JPT1: variants seen among roughly 807,000 people sequenced by gnomAD.
JPT1 encodes androgen-regulated protein 2.
JPT1 carries 5 observed loss-of-function variants against 17.0 expected under a neutral mutation model. That is an observed-to-expected ratio of 0.29 (90% CI 0.15 to 0.62). JPT1 has a LOEUF of 0.62. JPT1 is among the 20% of genes least tolerant of loss of function. JPT1 has a pLI of 0.85. For missense variants in JPT1, 158 were observed against 188.1 expected (o/e 0.84, Z 0.94); for synonymous variants, 71 against 73.6 (o/e 0.96, Z 0.18).
Position 75,136,237 on chromosome 17 carries a change from T to G in JPT1, c.330A>C (p.Thr110=). The G allele has an allele frequency of 6.3e-7, 1 of 1,584,704 alleles. No individual in the cohort carries two copies. The highest frequency in any genetic ancestry group is 1.8e-5 in the Admixed American group (1 of 54,398). ...TCTGCCCCAGGCTGCCTGGCAAGTC[T>G]GTGTCCACATTTTCTATGAAAACAG... ...GEGDIHENVD[T]DLPGSLGQSE... Residue 110 remains threonine, a synonymous_variant, in exon 5 of 5, where the codon ACA becomes ACC. Coordinates refer to ENST00000409753, the MANE Select transcript of JPT1 (RefSeq NM_016185.4).
At chr17:75,150,847 CTTTTTTTTTT>C in intron 1 of JPT1, among the ~76,000 whole-genome samples, 1 of 65,954 alleles carries the variant, frequency 1.5e-5, no homozygotes, top group East Asian at 4.7e-4. Context: ...ATTTTTCTTT[CTTTTTTTTTT>C]TTTTTTTTTT....
chr17:75,135,243 C>CAA (rs2074169903), downstream of JPT1: 1 of 152,682 alleles, frequency 6.5e-6, no homozygotes, highest in Non-Finnish European at 1.5e-5. Flanking sequence ...ACACAGTACA[C>CAA]AGTGTTTCAA....
rs1011560008 is a variant in JPT1, at chr17:75,148,724, C to T, written c.57-53G>A. ...CAGATCATACTGAAACATTTCTTGG[C>T]ATAAATCTTTTCAGACAACTTTCAT... On this transcript the variant is annotated intron_variant, in intron 1 of 4. Coordinates refer to ENST00000409753, the MANE Select transcript of JPT1 (RefSeq NM_016185.4). 11 of 1,597,482 alleles carry T rather than the reference C, an allele frequency of 6.9e-6. No homozygotes were observed. In the African/African-American group the frequency reaches 1.2e-4, roughly 18 times the overall value.
rs1281808876 is a variant in JPT1 at position 75,135,918 on chromosome 17, C to T, written c.*184G>A. The T allele has an allele frequency of 1.5e-6, 2 of 1,332,826 alleles. No individual in the cohort carries two copies. The highest frequency in any genetic ancestry group is 2.3e-5 in the East Asian group (1 of 42,732). 82.6% of individuals were successfully genotyped at this position (1,332,826 alleles called of 1,614,324 possible). The stretch of plus-strand genomic sequence containing the variant: ...ACTAGAAAACACTCATGCCATGGCC[C>T]ACAGACCCAAGAGTCAAGGACAGAG... On this transcript the variant is annotated 3_prime_UTR_variant, in exon 5 of 5. Coordinates refer to ENST00000409753, the MANE Select transcript of JPT1 (RefSeq NM_016185.4).
At chr17:75,150,761 C>A (rs2074533387) in intron 1 of JPT1, among the ~76,000 whole-genome samples, 1 of 151,662 alleles carries the variant, frequency 6.6e-6, no homozygotes, top group South Asian at 2.1e-4. Flanking sequence ...GACTTTCTAA[C>A]TACTGATTCA....
chr17:75,140,097 T>C (rs1054932250), intron 4 of JPT1, among the ~76,000 whole-genome samples: 5 of 152,102 alleles, frequency 3.3e-5, no homozygotes, highest in African/African-American at 7.2e-5. Context: ...TTTGTATTTT[T>C]AGTAGAGACG....
intron 4 of JPT1, chr17:75,145,139 G>A (rs2074399212): frequency 2.2e-5 from 3 of 138,670 alleles, no homozygotes; most frequent in Non-Finnish European, 3.0e-5. Flanking sequence ...ACTCCAGCCT[G>A]GATGACAGAG....
intron 4 of JPT1, chr17:75,145,237 T>G (rs992027978): frequency 2.0e-5 from 3 of 151,558 alleles, no homozygotes; most frequent in South Asian, 2.1e-4. Flanking sequence ...GGAATCTGCT[T>G]CTTCAACCTT....
At chr17:75,149,299 G>C (rs563879456) in intron 1 of JPT1, 27 of 322,790 alleles carry the variant, frequency 8.4e-5, no homozygotes, top group African/African-American at 5.5e-4. Context: ...AGGCTGCAGT[G>C]AGCTGTGTTC....
intron 3 of JPT1, among the ~76,000 whole-genome samples, chr17:75,147,159 G>A (rs142446138): frequency 6.6e-6 from 1 of 152,258 alleles, no homozygotes; most frequent in African/African-American, 2.4e-5. Context: ...TTTCCACTTC[G>A]CAGCACACCC....
At chr17:75,153,297 G>A (rs964342848) in intron 1 of JPT1, 1 of 152,162 alleles carries the variant, frequency 6.6e-6, no homozygotes, top group South Asian at 2.1e-4. Flanking sequence ...AGTAAGTTAA[G>A]CAAGGACTTG....
At chr17:75,151,138 C>T (rs2074545419) in intron 1 of JPT1, among the ~76,000 whole-genome samples, 1 of 151,772 alleles carries the variant, frequency 6.6e-6, no homozygotes, top group Non-Finnish European at 1.5e-5. Context: ...AGGCGTGAGC[C>T]ACCGCGCCCG....
At chr17:75,147,917 TGAACTC>T in intron 2 of JPT1, 1 of 399,412 alleles carries the variant, frequency 2.5e-6, no homozygotes, top group South Asian at 3.1e-5. Context: ...AAGAATCACT[TGAACTC>T]GGGAGGTGGA....
chr17:75,135,902 C>T lies in JPT1; in HGVS notation c.*200G>A, dbSNP rs1016161801. On this transcript the variant is annotated 3_prime_UTR_variant, in exon 5 of 5. Coordinates refer to ENST00000409753, the MANE Select transcript of JPT1 (RefSeq NM_016185.4). ...TTCCCTCCAATCTACTACTAGAAAA[C>T]ACTCATGCCATGGCCCACAGACCCA... is the stretch of plus-strand genomic sequence containing the variant. 8 of 1,111,916 alleles carry T rather than the reference C, an allele frequency of 7.2e-6. No homozygotes were observed. Among genetic ancestry groups the T allele is most frequent in the Non-Finnish European group, 1.0e-5 (8 of 778,746 alleles). The allele number at this position is 1,111,916 out of a possible 1,614,324, so 68.9% of individuals were successfully genotyped here.
intron 1 of JPT1, chr17:75,153,107 G>A (rs1479624365): frequency 1.3e-5 from 2 of 152,122 alleles, no homozygotes; most frequent in African/African-American, 2.4e-5. Flanking sequence ...AGGACCCCGA[G>A]GGTAGCCACA....
At chr17:75,143,707 A>G (rs1474603730) in intron 4 of JPT1, among the ~76,000 whole-genome samples, 1 of 148,968 alleles carries the variant, frequency 6.7e-6, no homozygotes, top group African/African-American at 2.5e-5. Flanking sequence ...ATGGTGGTGC[A>G]TGCCTGTAAT....
intron 4 of JPT1, among the ~76,000 whole-genome samples, chr17:75,140,507 C>T (rs2074287945): frequency 6.6e-6 from 1 of 152,200 alleles, no homozygotes; most frequent in Non-Finnish European, 1.5e-5. Flanking sequence ...CCTGGACCTT[C>T]TCCCTCTTAG....
chr17:75,145,431 T>A (rs1261017848), intron 4 of JPT1: 1 of 152,206 alleles, frequency 6.6e-6, no homozygotes, highest in East Asian at 1.9e-4. Context: ...GAAATGCCAA[T>A]AAATACCTCC....
Position 75,135,844 on chromosome 17 carries a change from T to C in JPT1, c.*258A>G, listed in dbSNP as rs899249915. ...ACACATCTGGAACCAAATTATTTCT[T>C]CTTAAAAACACAGTACTAAGTGTCA... is the stretch of plus-strand genomic sequence containing the variant. On this transcript the variant is annotated 3_prime_UTR_variant, in exon 5 of 5. Coordinates refer to ENST00000409753, the MANE Select transcript of JPT1 (RefSeq NM_016185.4). 4.5e-6 allele frequency: 3 copies of C among 671,562 alleles called. No homozygotes were observed. The African/African-American group carries it at 5.4e-5, about 12-fold the overall frequency. The allele number at this position is 671,562 out of a possible 1,614,324, so 41.6% of individuals were successfully genotyped here. A position where few individuals can be genotyped will look rare whatever the true frequency, so the allele number is the denominator to read the frequency against.
Sources: allele counts gnomAD v4.1 joint callset (sites outside exome capture counted in the v4.1 genomes callset), GRCh38; gene constraint gnomAD v4.1.1; transcripts MANE v1.5; gene names NCBI Gene and HGNC (gene_info 2026-07-23, HGNC 2026-07-21).